The following TMTC2 variants were observed in gnomAD, a reference collection of about 807,000 sequenced individuals.
TMTC2 encodes the protein transmembrane O-mannosyltransferase targeting cadherins 2.
Under a neutral mutation model 82.4 loss-of-function variants are expected in TMTC2, and 43 were observed. The observed-to-expected ratio is 0.52, with a 90% CI of 0.41 to 0.67. TMTC2 has a LOEUF of 0.67. Ranked by LOEUF, TMTC2 falls within the 30% of genes least tolerant of loss-of-function variation. The pLI is 0.00. For missense variants in TMTC2, 919 were observed against 1,012.4 expected (o/e 0.91, Z 1.25); for synonymous variants, 408 against 381.9 (o/e 1.07, Z -0.80).
chr12:82,984,336 A>G (rs901512217), intron 7 of TMTC2, among the ~76,000 whole-genome samples: 1 of 152,166 alleles, frequency 6.6e-6, no homozygotes, highest in East Asian at 1.9e-4. Context: ...TTTTATGCAT[A>G]CTATGTATTA....
intron 10 of TMTC2, among the ~76,000 whole-genome samples, chr12:83,060,556 C>T (rs114372662): frequency 1.2e-3 from 178 of 151,790 alleles, no homozygotes; most frequent in African/African-American, 4.0e-3. Flanking sequence ...CTGCAGGACC[C>T]CCAGCCATTT....
intron 1 of TMTC2, among the ~76,000 whole-genome samples, chr12:82,690,821 A>G (rs1285933451): frequency 2.0e-5 from 3 of 152,052 alleles, no homozygotes; most frequent in African/African-American, 7.2e-5. Context: ...TCCTTAAAGG[A>G]TTTTCTCTTA....
chr12:82,696,425 G>A (rs1302582080), intron 1 of TMTC2, among the ~76,000 whole-genome samples: 1 of 152,104 alleles, frequency 6.6e-6, no homozygotes, highest in Non-Finnish European at 1.5e-5. Flanking sequence ...GATATATACT[G>A]ATTTAACTAA....
At chr12:82,849,305 T>TA (rs1258060436) in intron 1 of TMTC2, among the ~76,000 whole-genome samples, 1 of 152,056 alleles carries the variant, frequency 6.6e-6, no homozygotes, top group Middle Eastern at 3.2e-3. Context: ...AGAGGTGACC[T>TA]ATAGCCTAAT....
chr12:82,852,101 CTTTT>C (rs11301265), intron 1 of TMTC2, among the ~76,000 whole-genome samples: 4 of 137,130 alleles, frequency 2.9e-5, no homozygotes, highest in Non-Finnish European at 3.1e-5. Flanking sequence ...CAGAAACTAT[CTTTT>C]TTTTTTTTTT....
intron 11 of TMTC2, among the ~76,000 whole-genome samples, chr12:83,103,796 A>G (rs747288525): frequency 6.6e-6 from 1 of 152,230 alleles, no homozygotes; most frequent in East Asian, 1.9e-4. Flanking sequence ...TCAAAAGTCT[A>G]CAGTTCATAA....
At position 83,050,978 on chromosome 12, in the gene TMTC2, A is replaced by G. The variant is rs748959479; in HGVS notation, c.2227A>G (p.Thr743Ala). The change falls in exon 10 of 12, where the codon ACA becomes GCA. Residue 743 changes from threonine to alanine, a missense_variant. By Grantham distance (58) the Thr-to-Ala change is moderately conservative (BLOSUM62 0). Transcript: ENST00000321196. ...AAAAAAAGCAGCTGAACTAGACAGCACAGAGTTTGATGTTGTCTTCAATGC... is the reference window on the plus strand; with the variant it reads ...AAAAAAAGCAGCTGAACTAGACAGCGCAGAGTTTGATGTTGTCTTCAATGC... The part of the protein sequence containing the change: ...MAKKAAELDS[T>A]EFDVVFNAAH... The G allele has an allele frequency of 6.2e-7, 1 of 1,613,042 alleles. No individual in the cohort carries two copies.
rs1171596880 is a variant in TMTC2 at position 82,811,807 on chromosome 12, C to CT, written c.84-45177dup. Among the ~76,000 whole-genome samples the CT allele has an allele frequency of 9.6e-3, 876 of 91,076 alleles. 104 individuals carry two copies. Among genetic ancestry groups the CT allele is most frequent in the East Asian group, 0.071 (197 of 2,764 alleles). The allele number at this position is 91,076 out of a possible 152,430, so 59.7% of individuals were successfully genotyped here. On this transcript the variant is annotated intron_variant, in intron 1 of 11. Transcript: ENST00000321196. ...AAGTTTTCTTTTCCATGCTCTCCTT[C>CT]TTTTTTTTTTTTTTTTTTTTTTTTT...
At chr12:82,838,654 A>G (rs1870176725) in intron 1 of TMTC2, among the ~76,000 whole-genome samples, 1 of 152,206 alleles carries the variant, frequency 6.6e-6, no homozygotes, top group Non-Finnish European at 1.5e-5. Context: ...ATCCATTGCC[A>G]TTTGAATATG....
intron 4 of TMTC2, among the ~76,000 whole-genome samples, chr12:82,933,320 A>G (rs961873792): frequency 3.9e-5 from 6 of 152,184 alleles, no homozygotes; most frequent in Admixed American, 2.6e-4. Context: ...ATCCTTTGCA[A>G]TATATAATAT....
At position 82,944,584 on chromosome 12, in the gene TMTC2, GAAAAGA is replaced by G. The variant is rs200571468; in HGVS notation, c.1598+14051_1598+14056del. 5.3e-3 allele frequency among the ~76,000 whole-genome samples: 774 copies of G among 145,652 alleles called. 8 individuals are homozygous for G. Among genetic ancestry groups the G allele is most frequent in the African/African-American group, 0.018 (727 of 39,792 alleles). Reference sequence around the variant, plus strand: ...AGTCTCAAAAAAAAAAAAAAAAAAGGAAAAGAAAAAGAAAAAGTAGAAACCTAAAGT... The same window carrying G: ...AGTCTCAAAAAAAAAAAAAAAAAAGGAAAAGAAAAAGTAGAAACCTAAAGT... On this transcript the variant is annotated intron_variant, in intron 4 of 11. Transcript: ENST00000321196.
At chr12:82,984,199 T>C (rs1879054070) in intron 7 of TMTC2, among the ~76,000 whole-genome samples, 2 of 152,124 alleles carry the variant, frequency 1.3e-5, no homozygotes, top group Non-Finnish European at 2.9e-5. Flanking sequence ...TAAGTGCAGA[T>C]ATGTTTTAAA....
At chr12:82,691,536 C>T (rs1412964447) in intron 1 of TMTC2, among the ~76,000 whole-genome samples, 2 of 152,016 alleles carry the variant, frequency 1.3e-5, no homozygotes, top group African/African-American at 4.8e-5. Flanking sequence ...AGTATATTAA[C>T]AATTTTTTTA....
At chr12:82,965,193 C>A in intron 5 of TMTC2, 84 bp downstream of exon 5, 1 of 1,009,968 alleles carries the variant, frequency 9.9e-7, no homozygotes, top group Non-Finnish European at 1.5e-6. Context: ...ACTGAGAAAA[C>A]ACTTGGTGCT....
intron 9 of TMTC2, among the ~76,000 whole-genome samples, chr12:83,034,407 A>G (rs1881580329): frequency 6.6e-6 from 1 of 152,210 alleles, no homozygotes; most frequent in Admixed American, 6.5e-5. Flanking sequence ...CGAACTAGGT[A>G]GGAAAATGGG....
intron 1 of TMTC2, among the ~76,000 whole-genome samples, chr12:82,830,090 T>TA (rs1869666441): frequency 6.6e-6 from 1 of 152,192 alleles, no homozygotes; most frequent in Non-Finnish European, 1.5e-5. Flanking sequence ...AGAATGGAAT[T>TA]ACAAGATGAG....
At chr12:83,033,856 ATATGTG>A (rs1881552485) in intron 9 of TMTC2, among the ~76,000 whole-genome samples, 1 of 149,338 alleles carries the variant, frequency 6.7e-6, no homozygotes, top group South Asian at 2.1e-4. Context: ...GTGTATATAT[ATATGTG>A]TATGTGTATA....
At position 83,087,569 on chromosome 12, in the gene TMTC2, G is replaced by A. The variant is rs185212347; in HGVS notation, c.2331+25738G>A. 3.3e-5 allele frequency among the ~76,000 whole-genome samples: 5 copies of A among 151,666 alleles called. No homozygotes were observed. In the East Asian group the frequency reaches 7.8e-4, roughly 24 times the overall value. On this transcript the variant is annotated intron_variant, in intron 11 of 11. Transcript: ENST00000321196. ...CACTTGAAATTTGAAATTGCTCTTC[G>A]ATCCATGGCTGCAGAATGGATATTG...
At chr12:83,077,901 T>TTTTTTTC (rs1565879959) in intron 11 of TMTC2, among the ~76,000 whole-genome samples, 2 of 141,122 alleles carry the variant, frequency 1.4e-5, no homozygotes. Context: ...TTTTTTTTTT[T>TTTTTTTC]TTTTAACAGG....
Sources: allele counts gnomAD v4.1 joint callset (sites outside exome capture counted in the v4.1 genomes callset), GRCh38; gene constraint gnomAD v4.1.1; transcripts MANE v1.5; gene names NCBI Gene and HGNC (gene_info 2026-07-23, HGNC 2026-07-21).